The following ZNF525 variants were observed in gnomAD, a reference collection of about 807,000 sequenced individuals.
ZNF525 encodes the protein zinc finger protein 525.
Under a neutral mutation model 37.6 loss-of-function variants are expected in ZNF525, and 33 were observed. The ratio of observed to expected loss-of-function variants is 0.88; its 90% CI spans 0.67 to 1.17. The LOEUF (loss-of-function observed/expected upper bound fraction) is 1.17. Among genes scored for constraint, ZNF525 ranks in the 50% most tolerant of loss-of-function variants. ZNF525 has a pLI of 0.00. For missense variants in ZNF525, 449 were observed against 543.1 expected, an observed-to-expected ratio of 0.83 and a Z score of 1.72; for synonymous variants, 170 against 182.3, an observed-to-expected ratio of 0.93 and a Z score of 0.54.
At chr19:53,374,096 T>C (rs2085505617) in intron 2 of ZNF525, among the ~76,000 whole-genome samples, 1 of 152,138 alleles carries the variant, frequency 6.6e-6, no homozygotes, top group Non-Finnish European at 1.5e-5. Context: ...TTAGCCAGGC[T>C]GATCTTGAAC....
At chr19:53,368,799 G>A (rs570057326) in intron 1 of ZNF525, among the ~76,000 whole-genome samples, 30 of 152,256 alleles carry the variant, frequency 2.0e-4, no homozygotes, top group Admixed American at 4.6e-4. Context: ...GTAACCTGCG[G>A]TCCACACGGG....
chr19:53,382,771 A>G lies in ZNF525; in HGVS notation c.*752A>G, dbSNP rs114436698. The G allele has an allele frequency of 1.3e-3, 1,241 of 979,926 alleles. 19 individuals carry two copies. In the African/African-American group the frequency reaches 0.018, roughly 14 times the overall value. 60.7% of individuals were successfully genotyped at this position (979,926 alleles called of 1,614,324 possible). On this transcript the variant is annotated 3_prime_UTR_variant, in exon 4 of 4. Transcript: ENST00000474037. ...GTGACAAATTTTTCAGACATCGTTC[A>G]TACCTTGCAGTTCACGGGCGAACTC...
intron 1 of ZNF525, among the ~76,000 whole-genome samples, chr19:53,371,089 C>T (rs1262809575): frequency 6.6e-6 from 1 of 152,166 alleles, no homozygotes; most frequent in Non-Finnish European, 1.5e-5. Context: ...CAGGTCTAGG[C>T]TCAGAGCTGT....
chr19:53,375,986 C>T, intron 3 of ZNF525, 90 bp downstream of exon 3: 7 of 1,593,688 alleles, frequency 4.4e-6, no homozygotes, highest in South Asian at 2.2e-5. Context: ...CTCTCTCTGT[C>T]CCCAAGGGTG....
chr19:53,383,175 C>G lies in ZNF525; in HGVS notation c.*1156C>G, dbSNP rs538098366. 7.4e-7 allele frequency: 1 copy of G among 1,344,364 alleles called. No homozygotes were observed. Among genetic ancestry groups the G allele is most frequent in the Non-Finnish European group, 1.0e-6 (1 of 958,700 alleles). The allele number at this position is 1,344,364 out of a possible 1,614,324, so 83.3% of individuals were successfully genotyped here. A position where few individuals can be genotyped will look rare whatever the true frequency, so the allele number is the denominator to read the frequency against. ...TACAAGTGTAATGAGTGTGGCAAGACCTACTCTCACAATTCAGTCCTTGTA... is the reference window on the plus strand; with the variant it reads ...TACAAGTGTAATGAGTGTGGCAAGAGCTACTCTCACAATTCAGTCCTTGTA... On this transcript the variant is annotated 3_prime_UTR_variant, in exon 4 of 4. Coordinates refer to ENST00000474037, the MANE Select transcript of ZNF525 (RefSeq NM_001348156.2).
rs373570457 is a variant in ZNF525, at chr19:53,385,427, T to C, written c.*3408T>C. ...GAGACCAGATGCAGTGGCTCAGGCC[T>C]GTAATCCCAGCATTTTCAGAGGCTG... On this transcript the variant is annotated 3_prime_UTR_variant, in exon 4 of 4. Transcript: ENST00000474037. The C allele has an allele frequency of 6.5e-6, 1 of 153,658 alleles. No homozygotes were observed. Among genetic ancestry groups the C allele is most frequent in the Non-Finnish European group, 1.4e-5 (1 of 69,106 alleles). The allele number at this position is 153,658 out of a possible 1,614,324, so 9.5% of individuals were successfully genotyped here.
At position 53,381,122 on chromosome 19, in the gene ZNF525, T is replaced by C. The variant is rs778183122; in HGVS notation, c.543T>C (p.Ser181=). The change falls in exon 4 of 4, where the codon TCT becomes TCC. Residue 181 remains serine (S), a synonymous_variant. Transcript: ENST00000474037. ...CGGTTTCAACAGCCCAAAGAATTTC[T>C]TGTAGGCCCAAAACCCATATATCTA... ...ASSVSTAQRI[S]CRPKTHISNN... The C allele has an allele frequency of 1.4e-6, 2 of 1,418,736 alleles. No homozygotes were observed. The highest frequency in any genetic ancestry group is 2.0e-6 in the Non-Finnish European group (2 of 1,002,362). The allele number at this position is 1,418,736 out of a possible 1,614,324, so 87.9% of individuals were successfully genotyped here.
At chr19:53,366,158 C>T (rs545396346) in intron 1 of ZNF525, among the ~76,000 whole-genome samples, 11 of 117,310 alleles carry the variant, frequency 9.4e-5, no homozygotes, top group African/African-American at 2.7e-4. Flanking sequence ...GCCGAGTTCT[C>T]TGCCTGTCCT....
At chr19:53,373,770 T>C (rs1026397264) in intron 2 of ZNF525, among the ~76,000 whole-genome samples, 2 of 150,904 alleles carry the variant, frequency 1.3e-5, no homozygotes, top group African/African-American at 4.9e-5. Flanking sequence ...TGCAGTGAGA[T>C]GAGATTGTGC....
Position 53,381,905 on chromosome 19 carries a change from T to A in ZNF525, c.1326T>A (p.Asn442Lys), listed in dbSNP as rs532241492. ...ATGGAGAGAAACTGTACAAATGTAA[T>A]GAGTGTGGCAAGACCTTCAGTCAGG... ...IHNGEKLYKC[N>K]ECGKTFSQEL... The change falls in exon 4 of 4, where the codon AAT becomes AAA. Residue 442 changes from asparagine to lysine, a missense_variant. Physicochemically the swap from Asn to Lys is moderately conservative, Grantham distance 94. This residue lies in a region of ZNF525 where 178 missense variants were observed against 161.5 expected (regional missense o/e 1.10). Transcript: ENST00000474037. The A allele has an allele frequency of 1.0e-6, 1 of 979,902 alleles. No homozygotes were observed. 60.7% of individuals were successfully genotyped at this position (979,902 alleles called of 1,614,324 possible). A position where few individuals can be genotyped will look rare whatever the true frequency, so the allele number is the denominator to read the frequency against.
intron 3 of ZNF525, chr19:53,376,274 T>C (rs1228806857): frequency 1.4e-6 from 1 of 701,254 alleles, no homozygotes; most frequent in African/African-American, 1.8e-5. Flanking sequence ...TTTTTGCATA[T>C]GTGTGTCCTT....
At chr19:53,380,185 G>T (rs1184021422) in intron 3 of ZNF525, among the ~76,000 whole-genome samples, 2 of 151,712 alleles carry the variant, frequency 1.3e-5, no homozygotes, top group African/African-American at 4.8e-5. Context: ...CTGCCTCTTG[G>T]GTTCAAGCAA....
In ZNF525 at chr19:53,382,385, T is replaced by C. The variant is rs1460866973; in HGVS notation, c.*366T>C. On this transcript the variant is annotated 3_prime_UTR_variant, in exon 4 of 4. Coordinates refer to ENST00000474037, the MANE Select transcript of ZNF525 (RefSeq NM_001348156.2). ...TTGAAAGACATAGGAGAATTCATAATGGAGAGAAACCGTACAAGTGTAATG... is the reference window on the plus strand; with the variant it reads ...TTGAAAGACATAGGAGAATTCATAACGGAGAGAAACCGTACAAGTGTAATG... 1.8e-6 allele frequency: 2 copies of C among 1,089,872 alleles called. No homozygotes were observed. The highest frequency in any genetic ancestry group is 2.8e-6 in the Non-Finnish European group (2 of 708,602). The allele number at this position is 1,089,872 out of a possible 1,614,324, so 67.5% of individuals were successfully genotyped here. A position where few individuals can be genotyped will look rare whatever the true frequency, so the allele number is the denominator to read the frequency against.
intron 3 of ZNF525, chr19:53,376,289 C>T (rs1209628439): frequency 1.5e-6 from 1 of 686,180 alleles, no homozygotes; most frequent in African/African-American, 1.8e-5. Flanking sequence ...GTCCTTAGGG[C>T]TAATATGAGT....
intron 1 of ZNF525, 86 bp downstream of exon 1, chr19:53,365,845 T>A (rs1283412160): frequency 1.3e-5 from 2 of 153,042 alleles, no homozygotes; most frequent in Admixed American, 1.3e-4. Flanking sequence ...CCTACAGACC[T>A]GGAAATTCTC....
rs561285790 is a variant in ZNF525, at chr19:53,382,404, T to C, written c.*385T>C. ...TCATAATGGAGAGAAACCGTACAAG[T>C]GTAATGAGTGTGGCAAGACCTTCAG... is the stretch of plus-strand genomic sequence containing the variant. On this transcript the variant is annotated 3_prime_UTR_variant, in exon 4 of 4. Transcript: ENST00000474037. The C allele has an allele frequency of 8.6e-5, 84 of 974,312 alleles. 1 individual carries two copies. In the South Asian group the frequency reaches 1.0e-3, roughly 12 times the overall value. 60.4% of individuals were successfully genotyped at this position (974,312 alleles called of 1,614,324 possible). A position where few individuals can be genotyped will look rare whatever the true frequency, so the allele number is the denominator to read the frequency against.
In ZNF525 at chr19:53,381,347, A is replaced by G. The variant is rs2085560955; in HGVS notation, c.768A>G (p.Arg256=). 1.3e-6 allele frequency: 2 copies of G among 1,589,802 alleles called. No homozygotes were observed. The highest frequency in any genetic ancestry group is 1.7e-6 in the Non-Finnish European group (2 of 1,157,830). ...DVCDKVFIRK[R]YLARHRRCHT... ...GTGACAAGGTCTTTATTCGGAAGCG[A>G]TACCTTGCACGCCATCGTAGATGTC... Residue 256 remains arginine (R), a synonymous_variant, in exon 4 of 4, where the codon CGA becomes CGG. Transcript: ENST00000474037.
intron 1 of ZNF525, among the ~76,000 whole-genome samples, chr19:53,367,614 C>T (rs1351912480): frequency 6.6e-6 from 1 of 152,202 alleles, no homozygotes; most frequent in Admixed American, 6.5e-5. Context: ...AGGAGGAAAA[C>T]CAGCCTCTAA....
Position 53,386,025 on chromosome 19 carries a change from A to G in ZNF525, c.*4006A>G. 2 of 285,962 alleles carry G rather than the reference A, an allele frequency of 7.0e-6. No individual in the cohort carries two copies. The highest frequency in any genetic ancestry group is 1.4e-5 in the Non-Finnish European group (2 of 145,898). The allele number at this position is 285,962 out of a possible 1,614,324, so 17.7% of individuals were successfully genotyped here. ...ACAAAAATTAGCTCAGCATGGTGGCATGCGCCTGTAATCCCAGCTACTCAG... is the reference window on the plus strand; with the variant it reads ...ACAAAAATTAGCTCAGCATGGTGGCGTGCGCCTGTAATCCCAGCTACTCAG... On this transcript the variant is annotated 3_prime_UTR_variant, in exon 4 of 4. Coordinates refer to ENST00000474037, the MANE Select transcript of ZNF525 (RefSeq NM_001348156.2).
Sources: allele counts gnomAD v4.1 joint callset (sites outside exome capture counted in the v4.1 genomes callset), GRCh38; gene constraint gnomAD v4.1.1; regional missense constraint gnomAD v4.1.1; transcripts MANE v1.5; gene names NCBI Gene and HGNC (gene_info 2026-07-23, HGNC 2026-07-21).